PCDHA7: variants seen among roughly 807,000 people sequenced by gnomAD.
PCDHA7 encodes the protein protocadherin alpha-7.
Under a neutral mutation model 57.2 loss-of-function variants are expected in PCDHA7, and 37 were observed. That is an observed-to-expected ratio of 0.65 (90% CI 0.50 to 0.85). PCDHA7 has a LOEUF of 0.85. PCDHA7 is among the 40% of genes least tolerant of loss of function. The pLI is 0.00. For missense variants in PCDHA7, 1,188 were observed against 1,241.8 expected, an observed-to-expected ratio of 0.96 and a Z score of 0.65; for synonymous variants, 553 against 558.8, an observed-to-expected ratio of 0.99 and a Z score of 0.15.
chr5:140,840,060 C>A (rs2150302976), intron 1 of PCDHA7, among the ~76,000 whole-genome samples: 9 of 151,898 alleles, frequency 5.9e-5, no homozygotes, highest in Non-Finnish European at 1.3e-4. Flanking sequence ...AATGTCTTGA[C>A]AATTAGTCAA....
intron 1 of PCDHA7, chr5:140,859,028 T>C (rs1281709317): frequency 6.6e-6 from 1 of 150,998 alleles, no homozygotes; most frequent in Non-Finnish European, 1.5e-5. Flanking sequence ...AGTTAAATGC[T>C]TTGAACTTTA....
intron 1 of PCDHA7, chr5:140,841,504 G>T (rs2150316836): frequency 1.2e-6 from 2 of 1,613,362 alleles, no homozygotes; most frequent in East Asian, 4.5e-5. Context: ...AGCTGGTGCC[G>T]CGCCTGTTCC....
Position 140,903,378 on chromosome 5 carries a change from G to T in PCDHA7, c.2355+66640G>T, listed in dbSNP as rs938741904. Among the ~76,000 whole-genome samples, 3 of 152,196 alleles carry T rather than the reference G, an allele frequency of 2.0e-5. No homozygotes were observed. In the South Asian group the frequency reaches 6.2e-4, roughly 32 times the overall value. On this transcript the variant is annotated intron_variant, in intron 1 of 3. Coordinates refer to ENST00000525929, the MANE Select transcript of PCDHA7 (RefSeq NM_018910.3). Reference sequence around the variant, plus strand: ...GTTTTTCAAAAATATAGGGAGGATTGTGGTTACTTCTAGAAACAGTAGTGC... The same window carrying T: ...GTTTTTCAAAAATATAGGGAGGATTTTGGTTACTTCTAGAAACAGTAGTGC...
intron 1 of PCDHA7, chr5:140,884,217 T>C (rs782181432): frequency 6.2e-7 from 1 of 1,613,448 alleles, no homozygotes; most frequent in East Asian, 2.2e-5. Flanking sequence ...CTTCTGGTGC[T>C]GGTGAAGGAC....
At chr5:140,940,245 T>A (rs1262681154) in intron 1 of PCDHA7, among the ~76,000 whole-genome samples, 1 of 152,210 alleles carries the variant, frequency 6.6e-6, no homozygotes, top group Non-Finnish European at 1.5e-5. Flanking sequence ...TAAAGTTACC[T>A]CCTCAATATC....
chr5:140,931,136 C>T (rs2087318079), intron 1 of PCDHA7, among the ~76,000 whole-genome samples: 1 of 152,166 alleles, frequency 6.6e-6, no homozygotes, highest in African/African-American at 2.4e-5. Context: ...GTGATATTTG[C>T]AGTGGATACT....
intron 1 of PCDHA7, among the ~76,000 whole-genome samples, chr5:140,951,140 C>G (rs1322025119): frequency 9.9e-6 from 1 of 100,842 alleles, no homozygotes; most frequent in Non-Finnish European, 2.0e-5. Context: ...TTTCCTTTAT[C>G]TTATTGAATA....
In PCDHA7 at chr5:140,835,503, G is replaced by A; in HGVS notation, c.1120G>A (p.Val374Met). 1.2e-6 allele frequency: 2 copies of A among 1,613,910 alleles called. No homozygotes were observed. Among genetic ancestry groups the A allele is most frequent in the Non-Finnish European group, 1.7e-6 (2 of 1,179,876 alleles). Reference protein sequence around the residue: ...QPGTVITLISVFDRDFGVNGQ... With the variant: ...QPGTVITLISMFDRDFGVNGQ... ...AGGTACCGTCATCACATTGATTAGC[G>A]TGTTTGACCGAGATTTTGGAGTCAA... Residue 374 changes from valine to methionine, a missense_variant, in exon 1 of 4, where the codon GTG (valine) becomes ATG (methionine). Val to Met is a conservative substitution (Grantham distance 21). This residue lies in a region of PCDHA7 where 892 missense variants were observed against 788.5 expected (regional missense o/e 1.13). Transcript: ENST00000525929.
intron 1 of PCDHA7, among the ~76,000 whole-genome samples, chr5:140,910,320 A>G (rs1362740704): frequency 1.3e-5 from 2 of 152,212 alleles, no homozygotes; most frequent in African/African-American, 4.8e-5. Flanking sequence ...CATGAGTCAG[A>G]CTATTGTGAT....
At chr5:140,884,205 G>T (rs1554181325) in intron 1 of PCDHA7, 3 of 1,613,490 alleles carry the variant, frequency 1.9e-6, no homozygotes, top group East Asian at 4.5e-5. Context: ...CCGCACCACC[G>T]CCTTCTGGTG....
chr5:140,882,562 G>A, intron 1 of PCDHA7: 1 of 1,614,252 alleles, frequency 6.2e-7, no homozygotes, highest in Non-Finnish European at 8.5e-7. Flanking sequence ...TGTGTGGGCG[G>A]AGCGCGGAGT....
chr5:140,986,572 G>T (rs1587171327), intron 3 of PCDHA7, among the ~76,000 whole-genome samples: 1 of 152,268 alleles, frequency 6.6e-6, no homozygotes, highest in East Asian at 1.9e-4. Context: ...TCTGTTATTG[G>T]TTTTTCCAGC....
intron 1 of PCDHA7, among the ~76,000 whole-genome samples, chr5:140,960,767 G>A (rs1160174091): frequency 1.3e-5 from 2 of 152,036 alleles, no homozygotes; most frequent in Admixed American, 6.6e-5. Context: ...GAGTTACAGA[G>A]GAGAAATAGG....
At chr5:140,892,721 T>A (rs1554185338) in intron 1 of PCDHA7, among the ~76,000 whole-genome samples, 1 of 152,226 alleles carries the variant, frequency 6.6e-6, no homozygotes, top group Admixed American at 6.5e-5. Flanking sequence ...ATTCATAATC[T>A]CAAACATTTA....
rs1777656080 is a variant in PCDHA7, at chr5:140,842,032, T to C, written c.2355+5294T>C. ...TGGTCACAGTGCTGGATGTGAATGA[T>C]AATGCTCCCACTTTCGAACAGTCTG... On this transcript the variant is annotated intron_variant, in intron 1 of 3. Transcript: ENST00000525929. The C allele has an allele frequency of 1.9e-6, 3 of 1,613,844 alleles. 1 individual carries two copies. The highest frequency in any genetic ancestry group is 1.7e-5 in the Admixed American group (1 of 60,002).
intron 1 of PCDHA7, among the ~76,000 whole-genome samples, chr5:140,952,040 G>T (rs1243206064): frequency 1.3e-5 from 2 of 152,216 alleles, no homozygotes; most frequent in African/African-American, 4.8e-5. Context: ...CAGTAGGGCA[G>T]TTATTAAATC....
rs782724807 is a variant in PCDHA7 at position 140,835,755 on chromosome 5, C to G, written c.1372C>G (p.Pro458Ala). The change falls in exon 1 of 4, where the codon CCC becomes GCC. Residue 458 changes from proline (P) to alanine (A), a missense_variant. Transcript: ENST00000525929. The stretch of plus-strand genomic sequence containing the variant: ...CGACAACGCCCCGGCGTTCGCGCAG[C>G]CCGAGTATACGGTGTTCGTGAAGGA... ...VNDNAPAFAQ[P>A]EYTVFVKENN... 1 of 1,613,410 alleles carries G rather than the reference C, an allele frequency of 6.2e-7. No homozygotes were observed. The highest frequency in any genetic ancestry group is 8.5e-7 in the Non-Finnish European group (1 of 1,179,826).
chr5:140,953,641 G>A (rs246029), intron 1 of PCDHA7, among the ~76,000 whole-genome samples: 85,647 of 151,972 alleles, frequency 0.56, 24,761 homozygotes, highest in African/African-American at 0.69. Context: ...TTTTGGCCAG[G>A]AGCTATAGTT....
intron 1 of PCDHA7, chr5:140,869,657 A>G (rs2051312714): frequency 6.2e-7 from 1 of 1,613,452 alleles, no homozygotes; most frequent in South Asian, 1.1e-5. Flanking sequence ...TCACCAACAA[A>G]TGGTAAGCAG....
Sources: allele counts gnomAD v4.1 joint callset (sites outside exome capture counted in the v4.1 genomes callset), GRCh38; gene constraint gnomAD v4.1.1; regional missense constraint gnomAD v4.1.1; transcripts MANE v1.5; gene names NCBI Gene and HGNC (gene_info 2026-07-23, HGNC 2026-07-21).